Variants in PLCE1 observed in about 807,000 individuals in gnomAD.
The protein encoded by PLCE1 is phospholipase C epsilon 1, also known as 1-phosphatidylinositol 4,5-bisphosphate phosphodiesterase epsilon-1.
Under a neutral mutation model 242.8 loss-of-function variants are expected in PLCE1, and 119 were observed. The ratio of observed to expected loss-of-function variants is 0.49; its 90% CI spans 0.42 to 0.57. PLCE1 has a LOEUF of 0.57. Ranked by LOEUF, PLCE1 falls within the 20% of genes least tolerant of loss-of-function variation. The pLI is 0.00. For missense variants in PLCE1, 2,441 were observed against 2,788.8 expected, an observed-to-expected ratio of 0.88 and a Z score of 2.81; for synonymous variants, 945 against 1,017.4, an observed-to-expected ratio of 0.93 and a Z score of 1.35.
intron 1 of PLCE1, among the ~76,000 whole-genome samples, chr10:94,025,204 G>A (rs1248011736): frequency 6.6e-6 from 1 of 152,094 alleles, no homozygotes; most frequent in Admixed American, 6.6e-5. Flanking sequence ...ATTCCTTCAA[G>A]CTCTCTTTCC....
intron 2 of PLCE1, among the ~76,000 whole-genome samples, chr10:94,043,468 C>T (rs1208862993): frequency 6.6e-6 from 1 of 152,146 alleles, no homozygotes; most frequent in Non-Finnish European, 1.5e-5. Flanking sequence ...TGCTGAGTAG[C>T]TTAGCTTCAG....
intron 4 of PLCE1, among the ~76,000 whole-genome samples, chr10:94,216,724 T>A (rs2049541936): frequency 6.6e-6 from 1 of 152,074 alleles, no homozygotes; most frequent in Non-Finnish European, 1.5e-5. Flanking sequence ...TTTAGATACA[T>A]GACAGAATAG....
chr10:94,322,357 T>C (rs1352120584), intron 30 of PLCE1, among the ~76,000 whole-genome samples: 1 of 150,164 alleles, frequency 6.7e-6, no homozygotes, highest in African/African-American at 2.5e-5. Flanking sequence ...TGTCTCTAAT[T>C]GAAAAAAAAA....
intron 10 of PLCE1, among the ~76,000 whole-genome samples, 198 bp from the exon 11 acceptor site, chr10:94,254,695 C>T (rs2051001757): frequency 1.3e-5 from 2 of 152,076 alleles, no homozygotes; most frequent in Admixed American, 6.6e-5. Flanking sequence ...TTGAAGCTTC[C>T]CAGACAGTTC....
intron 3 of PLCE1, among the ~76,000 whole-genome samples, chr10:94,153,193 G>A (rs141393028): frequency 0.011 from 1,698 of 152,078 alleles, 12 homozygotes; most frequent in African/African-American, 0.015. Flanking sequence ...TGTTGGTCTC[G>A]TACAAAGCTC....
chr10:94,268,800 G>C, intron 16 of PLCE1, 129 bp from the exon 17 acceptor site: 1 of 688,638 alleles, frequency 1.5e-6, no homozygotes, highest in Non-Finnish European at 2.7e-6. Context: ...GTTTGTTTTA[G>C]ACCATTTGCC....
chr10:94,293,343 T>C (rs2052703161), intron 22 of PLCE1, among the ~76,000 whole-genome samples, 165 bp from the exon 23 acceptor site: 1 of 152,216 alleles, frequency 6.6e-6, no homozygotes, highest in African/African-American at 2.4e-5. Context: ...TTTGCTTTAA[T>C]TGCCTACAAT....
chr10:94,154,604 A>T (rs1590138448), intron 3 of PLCE1, among the ~76,000 whole-genome samples: 1 of 152,170 alleles, frequency 6.6e-6, no homozygotes. Context: ...CTAAAATTCA[A>T]CAACAGAGAA....
intron 2 of PLCE1, among the ~76,000 whole-genome samples, chr10:94,035,308 A>G (rs1005997677): frequency 2.6e-5 from 4 of 152,166 alleles, no homozygotes; most frequent in African/African-American, 9.7e-5. Context: ...TAAATTTCAG[A>G]ATAATTTTTG....
At chr10:94,150,662 T>C (rs997640067) in intron 3 of PLCE1, among the ~76,000 whole-genome samples, 3 of 152,162 alleles carry the variant, frequency 2.0e-5, no homozygotes, top group African/African-American at 7.2e-5. Flanking sequence ...TAGCTGGGAG[T>C]TCACAGGAGG....
At chr10:94,320,542 G>C (rs1012895172) in intron 29 of PLCE1, among the ~76,000 whole-genome samples, 1 of 152,200 alleles carries the variant, frequency 6.6e-6, no homozygotes, top group African/African-American at 2.4e-5. Context: ...GATAGCGACA[G>C]CAACTCATGG....
intron 4 of PLCE1, 66 bp from the exon 5 acceptor site, chr10:94,227,240 T>A (rs2049977059): frequency 7.4e-6 from 11 of 1,491,152 alleles, no homozygotes; most frequent in Middle Eastern, 1.7e-4. Flanking sequence ...AAAGAATGCT[T>A]TTGGAAAAAA....
At chr10:94,116,724 G>T (rs1183079381) in intron 2 of PLCE1, among the ~76,000 whole-genome samples, 1 of 152,042 alleles carries the variant, frequency 6.6e-6, no homozygotes, top group Non-Finnish European at 1.5e-5. Flanking sequence ...AAGAATATTT[G>T]CAGGGTAAAA....
intron 1 of PLCE1, among the ~76,000 whole-genome samples, chr10:94,001,569 T>C (rs1247183100): frequency 1.3e-5 from 2 of 152,130 alleles, no homozygotes; most frequent in Non-Finnish European, 2.9e-5. Context: ...TTACTGACTA[T>C]GGAAAATCTG....
intron 11 of PLCE1, among the ~76,000 whole-genome samples, chr10:94,256,623 G>A (rs1306376764): frequency 2.0e-5 from 3 of 152,222 alleles, no homozygotes; most frequent in African/African-American, 4.8e-5. Context: ...AGTATCCTGG[G>A]TAAACAGCAA....
intron 3 of PLCE1, chr10:94,138,557 T>TG: frequency 2.1e-6 from 1 of 473,172 alleles, no homozygotes; most frequent in Non-Finnish European, 4.2e-6. Flanking sequence ...AGACTCCATC[T>TG]GGGGATCAGT....
At chr10:94,161,394 G>T (rs750942293) in intron 3 of PLCE1, among the ~76,000 whole-genome samples, 2 of 152,108 alleles carry the variant, frequency 1.3e-5, no homozygotes, top group African/African-American at 2.4e-5. Context: ...AAGTTGGATT[G>T]CTAGGTATTT....
At chr10:94,297,115 G>A (rs1020994709) in intron 23 of PLCE1, among the ~76,000 whole-genome samples, 37 of 152,074 alleles carry the variant, frequency 2.4e-4, no homozygotes, top group African/African-American at 9.7e-5. Flanking sequence ...TGATCCACCC[G>A]CCTCAGCCTC....
At chr10:94,111,238 G>A (rs563367721) in intron 2 of PLCE1, among the ~76,000 whole-genome samples, 1 of 152,274 alleles carries the variant, frequency 6.6e-6, no homozygotes, top group East Asian at 1.9e-4. Context: ...TAGGAAGCAG[G>A]GTTCCTTCCA....
Sources: gnomAD v4.1 joint callset for allele counts (sites outside exome capture counted in the v4.1 genomes callset) on GRCh38, gnomAD v4.1.1 for gene constraint, MANE v1.5 for transcripts, NCBI Gene and HGNC (gene_info 2026-07-23, HGNC 2026-07-21) for gene names.